The following OR51C1 variants were observed in gnomAD, a reference collection of about 807,000 sequenced individuals.
OR51C1 encodes the protein olfactory receptor OR51C1.
At chr11:4,691,249 T>A in the OR51C1 span, 29 of 456,836 alleles carry the variant, frequency 6.3e-5, no homozygotes, top group South Asian at 4.3e-4. Context: ...AGCCCCCTGA[T>A]GACACTTGCC....
the OR51C1 span, among the ~76,000 whole-genome samples, chr11:4,696,645 C>A: frequency 1.7e-3 from 256 of 152,298 alleles, no homozygotes; most frequent in African/African-American, 5.7e-3. Context: ...CTCTTTTGTG[C>A]TGCCTTCACT....
chr11:4,694,261 G>A, the OR51C1 span, among the ~76,000 whole-genome samples: 1 of 151,306 alleles, frequency 6.6e-6, no homozygotes, highest in African/African-American at 2.4e-5. Context: ...AAACCATAGT[G>A]TATATATTTT....
the OR51C1 span, chr11:4,691,180 C>T: frequency 2.2e-6 from 1 of 456,628 alleles, no homozygotes; most frequent in South Asian, 1.5e-5. Flanking sequence ...TGGTGGAGTA[C>T]TTGGCTGTGG....
At chr11:4,691,478 C>G in the OR51C1 span, 1 of 455,858 alleles carries the variant, frequency 2.2e-6, no homozygotes, top group South Asian at 1.6e-5. Flanking sequence ...TGGATATGGA[C>G]AGGCCGAGGT....
At chr11:4,697,282 A>G in the OR51C1 span, among the ~76,000 whole-genome samples, 1 of 152,210 alleles carries the variant, frequency 6.6e-6, no homozygotes, top group Admixed American at 6.5e-5. Flanking sequence ...CCTCATCTAT[A>G]AGACAGGATA....
the OR51C1 span, among the ~76,000 whole-genome samples, chr11:4,697,090 T>C: frequency 9.8e-5 from 15 of 152,346 alleles, no homozygotes; most frequent in Admixed American, 3.3e-4. Flanking sequence ...TCACTTTAAA[T>C]TCATTTTTCT....
the OR51C1 span, chr11:4,691,593 G>T: frequency 2.2e-6 from 1 of 456,450 alleles, no homozygotes; most frequent in Non-Finnish European, 4.4e-6. Context: ...AGCAGTTACA[G>T]AGAGGAAGCA....
the OR51C1 span, chr11:4,691,818 T>C: frequency 3.3e-6 from 1 of 302,354 alleles, no homozygotes; most frequent in Non-Finnish European, 6.5e-6. Context: ...AGTATTTATA[T>C]AATATGAAAC....
the OR51C1 span, among the ~76,000 whole-genome samples, chr11:4,693,297 C>T: frequency 6.6e-6 from 1 of 152,082 alleles, no homozygotes; most frequent in African/African-American, 2.4e-5. Flanking sequence ...AAGGAATTAC[C>T]AGAAAGAGAG....
At chr11:4,694,348 C>T in the OR51C1 span, among the ~76,000 whole-genome samples, 806 of 151,984 alleles carry the variant, frequency 5.3e-3, 5 homozygotes, top group Middle Eastern at 0.044. Flanking sequence ...TATCTTCCTG[C>T]ATCCTTCCTA....
At chr11:4,690,921 G>T in the OR51C1 span, 1 of 456,012 alleles carries the variant, frequency 2.2e-6, no homozygotes, top group African/African-American at 2.0e-5. Context: ...GTGAACAATG[G>T]ACAGACTGAT....
At chr11:4,695,512 G>C in the OR51C1 span, among the ~76,000 whole-genome samples, 1 of 152,146 alleles carries the variant, frequency 6.6e-6, no homozygotes, top group African/African-American at 2.4e-5. Context: ...ATTTCCTGCT[G>C]TATCTTTTAT....
the OR51C1 span, among the ~76,000 whole-genome samples, chr11:4,693,593 C>T: frequency 6.6e-6 from 1 of 152,016 alleles, no homozygotes; most frequent in African/African-American, 2.4e-5. Context: ...TGGTGGCGGG[C>T]GCCTGTAGTT....
chr11:4,696,121 G>A, the OR51C1 span, among the ~76,000 whole-genome samples: 1 of 152,154 alleles, frequency 6.6e-6, no homozygotes, highest in East Asian at 1.9e-4. Context: ...ATAATTGACA[G>A]CATTTTGGAG....
chr11:4,694,681 C>T, the OR51C1 span, among the ~76,000 whole-genome samples: 1 of 151,852 alleles, frequency 6.6e-6, no homozygotes, highest in Non-Finnish European at 1.5e-5. Context: ...TAAATATCTA[C>T]TACATGCCAG....
chr11:4,692,496 AG>A, the OR51C1 span, among the ~76,000 whole-genome samples: 1 of 152,258 alleles, frequency 6.6e-6, no homozygotes, highest in Non-Finnish European at 1.5e-5. Context: ...ACTTCTTAGG[AG>A]ATACCTAATT....
At chr11:4,694,780 CAGA>C in the OR51C1 span, among the ~76,000 whole-genome samples, 1 of 152,128 alleles carries the variant, frequency 6.6e-6, no homozygotes, top group African/African-American at 2.4e-5. Flanking sequence ...ATTGATAAGG[CAGA>C]AGAGATAATA....
chr11:4,692,160 G>A, the OR51C1 span: 3,364 of 452,720 alleles, frequency 7.4e-3, 32 homozygotes, highest in Non-Finnish European at 8.2e-3. Context: ...TATTACATTG[G>A]TCATAAGTGT....
chr11:4,690,635 T>A, the OR51C1 span: 9 of 303,260 alleles, frequency 3.0e-5, no homozygotes, highest in African/African-American at 1.8e-4. Flanking sequence ...GCTTTAACTT[T>A]AAATGATTAT....
Sources: gnomAD v4.1 joint callset for allele counts (sites outside exome capture counted in the v4.1 genomes callset) on GRCh38, gnomAD v4.1.1 for gene constraint, MANE v1.5 for transcripts, NCBI Gene and HGNC (gene_info 2026-07-23, HGNC 2026-07-21) for gene names.